LRRC42: variants seen among roughly 807,000 people sequenced by gnomAD.
The protein encoded by LRRC42 is leucine-rich repeat-containing protein 42.
Under a neutral mutation model 44.3 loss-of-function variants are expected in LRRC42, and 43 were observed. The ratio of observed to expected loss-of-function variants is 0.97; its 90% CI spans 0.76 to 1.25. LRRC42 has a LOEUF of 1.25. Among genes scored for constraint, LRRC42 ranks in the 50% most tolerant of loss-of-function variants. LRRC42 has a pLI of 0.00. For missense variants in LRRC42, 540 were observed against 509.1 expected (o/e 1.06, Z -0.58); for synonymous variants, 207 against 195.2 (o/e 1.06, Z -0.50).
At chr1:53,953,140 G>A (rs1228841481) in intron 3 of LRRC42, among the ~76,000 whole-genome samples, 2 of 152,186 alleles carry the variant, frequency 1.3e-5, no homozygotes, top group African/African-American at 4.8e-5. Context: ...GGCATAAAAT[G>A]AAACATAAGC....
Position 53,958,277 on chromosome 1 carries a change from C to G in LRRC42, c.602C>G (p.Ser201Cys). The G allele has an allele frequency of 6.2e-7, 1 of 1,613,476 alleles. No homozygotes were observed. Among genetic ancestry groups the G allele is most frequent in the South Asian group, 1.1e-5 (1 of 91,018 alleles). Residue 201 changes from serine to cysteine, a missense_variant, in exon 4 of 9, where the codon TCT (serine) becomes TGT (cysteine). Ser to Cys is a moderately radical substitution (Grantham distance 112, BLOSUM62 -1). Transcript: ENST00000371370. ...GAACATCTCACCAATGAAGCCCTGT[C>G]TAGGTACTGACCTGTCACCACTTGC... Reference protein sequence around the residue: ...LLEHLTNEALSSVTQLHLKDN... With the variant: ...LLEHLTNEALCSVTQLHLKDN...
At chr1:53,965,484 C>CT (rs1191040913) in intron 7 of LRRC42, among the ~76,000 whole-genome samples, 2,918 of 140,460 alleles carry the variant, frequency 0.021, 75 homozygotes, top group African/African-American at 0.062. Context: ...TTTTTCTTTT[C>CT]TTTTTTTTTT....
chr1:53,967,613 G>A, intron 8 of LRRC42, 52 bp from the exon 9 acceptor site: 5 of 1,541,684 alleles, frequency 3.2e-6, no homozygotes, highest in Non-Finnish European at 4.5e-6. Flanking sequence ...ACTGATGAGG[G>A]AATTAGCATA....
At chr1:53,965,862 G>C (rs1241954166) in intron 7 of LRRC42, among the ~76,000 whole-genome samples, 2 of 152,170 alleles carry the variant, frequency 1.3e-5, no homozygotes, top group Admixed American at 6.5e-5. Flanking sequence ...GGTATGTTAT[G>C]AGAATATGGA....
rs557308923 is a variant in LRRC42 at position 53,952,350 on chromosome 1, G to A, written c.351G>A (p.Lys117=). 5 of 1,614,148 alleles carry A rather than the reference G, an allele frequency of 3.1e-6. No homozygotes were observed. The South Asian group carries it at 5.5e-5, about 18-fold the overall frequency. ...GCTTTCCTGAGCAGATTGCTGAAAAGCTGTTCTCTGCTGCTGAAGCCAGAC... is the reference window on the plus strand; with the variant it reads ...GCTTTCCTGAGCAGATTGCTGAAAAACTGTTCTCTGCTGCTGAAGCCAGAC... The part of the protein sequence containing the change: ...LIGFPEQIAE[K]LFSAAEARQK... The change falls in exon 3 of 9, where the codon AAG becomes AAA. Residue 117 remains lysine (K), a synonymous_variant. Transcript: ENST00000371370.
intron 4 of LRRC42, 116 bp downstream of exon 4, chr1:53,958,396 T>G (rs562322678): frequency 4.4e-6 from 6 of 1,364,722 alleles, no homozygotes; most frequent in Non-Finnish European, 6.0e-6. Flanking sequence ...GATTTGCTTT[T>G]TTTTCCTAAA....
intron 3 of LRRC42, among the ~76,000 whole-genome samples, chr1:53,955,382 C>T (rs907371256): frequency 3.9e-5 from 6 of 152,130 alleles, no homozygotes; most frequent in East Asian, 1.9e-4. Context: ...CTGCAGCCTC[C>T]GCCTCCCAGG....
At chr1:53,954,213 G>A (rs1194836824) in intron 3 of LRRC42, among the ~76,000 whole-genome samples, 1 of 152,136 alleles carries the variant, frequency 6.6e-6, no homozygotes, top group African/African-American at 2.4e-5. Flanking sequence ...GCCAAATACT[G>A]TATTTTAAAA....
At chr1:53,964,995 ATTGTTTTTTT>A (rs757970775) in intron 7 of LRRC42, among the ~76,000 whole-genome samples, 89 of 137,710 alleles carry the variant, frequency 6.5e-4, no homozygotes, top group Admixed American at 1.7e-3. Context: ...CTGGAACTGT[ATTGTTTTTTT>A]TTGTTTTTTT....
chr1:53,967,680 G>C lies in LRRC42; in HGVS notation c.1028G>C (p.Arg343Pro). 1 of 1,613,888 alleles carries C rather than the reference G, an allele frequency of 6.2e-7. No homozygotes were observed. Among genetic ancestry groups the C allele is most frequent in the Non-Finnish European group, 8.5e-7 (1 of 1,179,916 alleles). Reference sequence around the variant, plus strand: ...TCTGTCACAGATGGGAAGCGGTCTCGAGCAGAAGCCCCACTGAAGTGTCCC... The same window carrying C: ...TCTGTCACAGATGGGAAGCGGTCTCCAGCAGAAGCCCCACTGAAGTGTCCC... ...AAQRFYGKRS[R>P]AEAPLKCPLA... is the part of the protein sequence containing the mutation. Residue 343 changes from arginine (R) to proline (P), a missense_variant, in exon 9 of 9, where the codon CGA (arginine) becomes CCA (proline). Arg to Pro is a moderately radical substitution (Grantham distance 103, BLOSUM62 -2). Coordinates refer to ENST00000371370, the MANE Select transcript of LRRC42 (RefSeq NM_001256409.2).
Position 53,967,878 on chromosome 1 carries a change from C to T in LRRC42, c.1226C>T (p.Pro409Leu), listed in dbSNP as rs372791093. The part of the protein sequence containing the change: ...SETEQNNSSQ[P>L]SKQKYVCLAV... ...ACAGAACAGAATAACTCTTCACAAC[C>T]TTCAAAGCAGAAATATGTATGTCTT... Residue 409 changes from proline (P) to leucine (L), a missense_variant, in exon 9 of 9, where the codon CCT becomes CTT. Pro to Leu is a moderately conservative substitution (Grantham distance 98). Transcript: ENST00000371370. The T allele has an allele frequency of 1.2e-5, 19 of 1,614,088 alleles. No individual in the cohort carries two copies. The African/African-American group carries it at 1.5e-4, about 12-fold the overall frequency.
chr1:53,966,426 TC>T lies in LRRC42; in HGVS notation c.1012+48del, dbSNP rs780919951. 193 of 1,342,338 alleles carry T rather than the reference TC, an allele frequency of 1.4e-4. 2 individuals are homozygous for T. In the East Asian group the frequency reaches 4.3e-3, roughly 30 times the overall value. 83.2% of individuals were successfully genotyped at this position (1,342,338 alleles called of 1,614,324 possible). ...TGAAGTTTTTTGCCCTTTATTTGCA[TC>T]CTTAAAGCAGTTCGCTTGTTTTCCC... On this transcript the variant is annotated intron_variant, in intron 8 of 8. Transcript: ENST00000371370.
chr1:53,951,634 A>G (rs1654682965), intron 2 of LRRC42, among the ~76,000 whole-genome samples: 1 of 152,214 alleles, frequency 6.6e-6, no homozygotes, highest in African/African-American at 2.4e-5. Flanking sequence ...CATGTTGGCC[A>G]GGCTGGTCTC....
chr1:53,948,908 G>A (rs1654597659), intron 2 of LRRC42, among the ~76,000 whole-genome samples: 2 of 152,092 alleles, frequency 1.3e-5, no homozygotes, highest in Admixed American at 1.3e-4. Context: ...ATCCTTTTTG[G>A]GAGAATGCAG....
chr1:53,950,583 C>G (rs1654648772), intron 2 of LRRC42, among the ~76,000 whole-genome samples: 2 of 152,216 alleles, frequency 1.3e-5, no homozygotes, highest in African/African-American at 4.8e-5. Flanking sequence ...AGTTGGTTCA[C>G]TCTAAAACTC....
intron 2 of LRRC42, among the ~76,000 whole-genome samples, chr1:53,949,499 A>T (rs1365334118): frequency 6.6e-6 from 1 of 151,970 alleles, no homozygotes. Context: ...TCTGATCTAC[A>T]AGTAGAGTGG....
intron 3 of LRRC42, among the ~76,000 whole-genome samples, chr1:53,956,913 A>G (rs1042345232): frequency 6.6e-6 from 1 of 152,240 alleles, no homozygotes; most frequent in Non-Finnish European, 1.5e-5. Context: ...TGGAAGGTGG[A>G]AAACAGCAGC....
intron 3 of LRRC42, among the ~76,000 whole-genome samples, chr1:53,956,074 A>G (rs1049993769): frequency 6.6e-6 from 1 of 152,226 alleles, no homozygotes; most frequent in Non-Finnish European, 1.5e-5. Context: ...TTGAGGTTGC[A>G]TTTGCAATCC....
At chr1:53,947,956 C>G (rs530002827) in intron 2 of LRRC42, 135 bp downstream of exon 2, 2 of 152,290 alleles carry the variant, frequency 1.3e-5, no homozygotes, top group South Asian at 4.1e-4. Context: ...AATTCTGGCT[C>G]TGCCACTTAT....
Sources: allele counts gnomAD v4.1 joint callset (sites outside exome capture counted in the v4.1 genomes callset), GRCh38; gene constraint gnomAD v4.1.1; transcripts MANE v1.5; gene names NCBI Gene and HGNC (gene_info 2026-07-23, HGNC 2026-07-21).